The following SORCS2 variants were observed in gnomAD, a reference collection of about 807,000 sequenced individuals.
SORCS2 encodes sortilin related VPS10 domain containing receptor 2.
A neutral mutation model predicts 141.6 loss-of-function variants in SORCS2; 100 were observed. That is an observed-to-expected ratio of 0.71 (90% confidence interval 0.60 to 0.83). The LOEUF (loss-of-function observed/expected upper bound fraction) is 0.83, where lower values mean the gene tolerates loss of function less well. Ranked by LOEUF, SORCS2 falls within the 40% of genes least tolerant of loss-of-function variation. The pLI is 0.00. For missense variants in SORCS2, 1,646 were observed against 1,560.2 expected (o/e 1.05, Z -0.93); for synonymous variants, 789 against 676.9 (o/e 1.17, Z -2.57).
intron 4 of SORCS2, 50 bp downstream of exon 4, chr4:7,638,542 C>T (rs1305600353): frequency 4.5e-6 from 7 of 1,558,180 alleles, no homozygotes; most frequent in South Asian, 2.4e-5. Flanking sequence ...GGGGTCTGCT[C>T]GACCCACCTG....
chr4:7,294,648 C>T (rs1252642001), intron 1 of SORCS2, among the ~76,000 whole-genome samples: 7 of 146,400 alleles, frequency 4.8e-5, no homozygotes, highest in African/African-American at 1.8e-4. Flanking sequence ...ACCTTTCCTC[C>T]CCCTCTCCCT....
At chr4:7,646,612 G>A (rs1053207635) in intron 4 of SORCS2, among the ~76,000 whole-genome samples, 8 of 152,058 alleles carry the variant, frequency 5.3e-5, no homozygotes, top group African/African-American at 1.9e-4. Context: ...CCTGGGTGAT[G>A]GAGCAAGACT....
intron 11 of SORCS2, among the ~76,000 whole-genome samples, chr4:7,695,876 GTGGA>G (rs1299827624): frequency 0.22 from 6,163 of 27,628 alleles, 1,043 homozygotes; most frequent in Admixed American, 0.29. Flanking sequence ...GGGTGGGTGG[GTGGA>G]TGGATGGATG....
At chr4:7,565,621 GATA>G (rs1274291516) in intron 3 of SORCS2, among the ~76,000 whole-genome samples, 1 of 149,984 alleles carries the variant, frequency 6.7e-6, no homozygotes, top group Non-Finnish European at 1.5e-5. Flanking sequence ...ATATAATGAT[GATA>G]ATGATGGTGA....
intron 1 of SORCS2, among the ~76,000 whole-genome samples, chr4:7,255,569 G>A (rs550836527): frequency 1.1e-4 from 17 of 152,300 alleles, no homozygotes; most frequent in Admixed American, 7.8e-4. Context: ...CCCTGTCCAC[G>A]TGGTCCAGAG....
chr4:7,649,714 G>C (rs568217569), intron 4 of SORCS2, among the ~76,000 whole-genome samples: 1 of 152,102 alleles, frequency 6.6e-6, no homozygotes, highest in South Asian at 2.1e-4. Context: ...GGAGGAGGGG[G>C]CACACCTGCC....
Position 7,717,993 on chromosome 4 carries a change from C to T in SORCS2, c.2253-19C>T. 7.6e-6 allele frequency: 12 copies of T among 1,586,494 alleles called. No homozygotes were observed. Among genetic ancestry groups the T allele is most frequent in the Non-Finnish European group, 1.0e-5 (12 of 1,165,428 alleles). On this transcript the variant is annotated intron_variant, in intron 17 of 26. Coordinates refer to ENST00000507866, the MANE Select transcript of SORCS2 (RefSeq NM_020777.3). ...GCCACCTGTCTGAAGCGGACCCTGA[C>T]CCTCTCTTGTCAATCCAGGTACCGG...
chr4:7,726,476 G>T (rs1389351143), intron 20 of SORCS2, among the ~76,000 whole-genome samples: 1 of 152,204 alleles, frequency 6.6e-6, no homozygotes, highest in Non-Finnish European at 1.5e-5. Flanking sequence ...ATGGGAGGCT[G>T]AGGTGGGAGA....
intron 1 of SORCS2, among the ~76,000 whole-genome samples, chr4:7,368,892 G>C (rs567304364): frequency 2.0e-5 from 3 of 152,160 alleles, no homozygotes; most frequent in African/African-American, 4.8e-5. Context: ...AGAGTCTCAC[G>C]AGATCTGATG....
In SORCS2 at chr4:7,683,509, C is replaced by A. The variant is rs115703687; in HGVS notation, c.1488+620C>A. On this transcript the variant is annotated intron_variant, in intron 10 of 26. Coordinates refer to ENST00000507866, the MANE Select transcript of SORCS2 (RefSeq NM_020777.3). The stretch of plus-strand genomic sequence containing the variant: ...ACATCTTGCATCCTTCTCCTGGAAC[C>A]AGCTTAATTCTCATGGTGATACCAG... Among the ~76,000 whole-genome samples, 6 of 152,368 alleles carry A rather than the reference C, an allele frequency of 3.9e-5. No individual in the cohort carries two copies. In the East Asian group the frequency reaches 1.2e-3, roughly 29 times the overall value.
chr4:7,568,609 G>A (rs1010907847), intron 3 of SORCS2, among the ~76,000 whole-genome samples: 15 of 152,120 alleles, frequency 9.9e-5, no homozygotes, highest in African/African-American at 3.6e-4. Flanking sequence ...GAGGGATGTG[G>A]CATGATCTAA....
intron 1 of SORCS2, among the ~76,000 whole-genome samples, chr4:7,234,180 A>G (rs1712098856): frequency 6.6e-6 from 1 of 152,154 alleles, no homozygotes; most frequent in Non-Finnish European, 1.5e-5. Flanking sequence ...CCTCGCCCTG[A>G]AATGTATTGA....
chr4:7,327,095 C>G (rs1281111221), intron 1 of SORCS2, among the ~76,000 whole-genome samples: 1 of 152,218 alleles, frequency 6.6e-6, no homozygotes, highest in Admixed American at 6.5e-5. Flanking sequence ...GGGGGGCTGG[C>G]AGGCCTGCAG....
rs547325085 is a variant in SORCS2 at position 7,365,672 on chromosome 4, G to A, written c.481-30616G>A. 1.4e-4 allele frequency among the ~76,000 whole-genome samples: 21 copies of A among 152,296 alleles called. 1 individual carries two copies. In the South Asian group the frequency reaches 4.4e-3, roughly 32 times the overall value. On this transcript the variant is annotated intron_variant, in intron 1 of 26. Transcript: ENST00000507866. ...ACAGCTGCTGACACTCAGGGTTGGT[G>A]CAGACAATGGGCACCCCGGCGTGCA...
intron 1 of SORCS2, among the ~76,000 whole-genome samples, chr4:7,229,718 G>A (rs577542666): frequency 9.8e-5 from 15 of 152,368 alleles, no homozygotes; most frequent in South Asian, 2.1e-4. Context: ...ATGGTGTTCC[G>A]TGGTCAAGTC....
chr4:7,250,627 G>A (rs1713437722), intron 1 of SORCS2, among the ~76,000 whole-genome samples: 1 of 152,268 alleles, frequency 6.6e-6, no homozygotes, highest in Admixed American at 6.5e-5. Flanking sequence ...GGCCATTTGT[G>A]TATGAACAAG....
intron 1 of SORCS2, among the ~76,000 whole-genome samples, chr4:7,353,143 G>A (rs574397818): frequency 2.6e-5 from 4 of 152,274 alleles, no homozygotes; most frequent in Admixed American, 6.5e-5. Context: ...CCAGAGGTGG[G>A]GACCAAAATC....
At chr4:7,272,715 G>A (rs1285843712) in intron 1 of SORCS2, among the ~76,000 whole-genome samples, 2 of 152,242 alleles carry the variant, frequency 1.3e-5, no homozygotes, top group African/African-American at 4.8e-5. Flanking sequence ...GACAATTTGC[G>A]AAGGAACAAT....
intron 1 of SORCS2, among the ~76,000 whole-genome samples, chr4:7,380,036 A>T (rs1233624240): frequency 6.6e-6 from 1 of 152,136 alleles, no homozygotes; most frequent in Non-Finnish European, 1.5e-5. Context: ...TGGAAGAGCC[A>T]CGGGTCACCA....
Sources: allele counts gnomAD v4.1 joint callset (sites outside exome capture counted in the v4.1 genomes callset), GRCh38; gene constraint gnomAD v4.1.1; transcripts MANE v1.5; gene names NCBI Gene and HGNC (gene_info 2026-07-23, HGNC 2026-07-21).